Variants in GNAL observed in about 807,000 individuals in gnomAD.
The protein encoded by GNAL is guanine nucleotide-binding protein G(olf) subunit alpha.
A neutral mutation model predicts 55.1 loss-of-function variants in GNAL; 18 were observed. The observed-to-expected ratio is 0.33, with a 90% CI of 0.23 to 0.48. The LOEUF is 0.48. Among genes scored for constraint, GNAL ranks in the 20% least tolerant of loss-of-function variants. GNAL has a pLI of 0.99. For synonymous variants in GNAL, 253 were observed against 237.0 expected (o/e 1.07, Z -0.62); for missense variants, 412 against 614.1 (o/e 0.67, Z 3.48).
At chr18:11,766,750 G>C (rs1380094739) in intron 4 of GNAL, among the ~76,000 whole-genome samples, 1 of 152,194 alleles carries the variant, frequency 6.6e-6, no homozygotes, top group African/African-American at 2.4e-5. Flanking sequence ...GTACTTAATT[G>C]CAAAAATATA....
At chr18:11,690,325 C>G (rs2031203208) in intron 1 of GNAL, among the ~76,000 whole-genome samples, 1 of 152,100 alleles carries the variant, frequency 6.6e-6, no homozygotes, top group South Asian at 2.1e-4. Flanking sequence ...AGGAGGCTGG[C>G]AGTTTGTTTT....
intron 4 of GNAL, among the ~76,000 whole-genome samples, chr18:11,771,627 G>A (rs1201233120): frequency 6.6e-6 from 1 of 152,160 alleles, no homozygotes; most frequent in Non-Finnish European, 1.5e-5. Flanking sequence ...GGGGTGGCCT[G>A]GCCTTTGAAG....
At chr18:11,697,127 C>T (rs1265300810) in intron 1 of GNAL, among the ~76,000 whole-genome samples, 2 of 152,212 alleles carry the variant, frequency 1.3e-5, no homozygotes, top group Non-Finnish European at 2.9e-5. Flanking sequence ...GCAGCCAGCC[C>T]CAGGTGAACA....
At chr18:11,724,979 C>G (rs1049120225) in intron 1 of GNAL, among the ~76,000 whole-genome samples, 5 of 152,172 alleles carry the variant, frequency 3.3e-5, no homozygotes, top group African/African-American at 1.2e-4. Flanking sequence ...CCTCGAGCAC[C>G]ATGGGGTCTG....
intron 4 of GNAL, among the ~76,000 whole-genome samples, chr18:11,789,417 C>T (rs949044455): frequency 6.6e-6 from 1 of 152,164 alleles, no homozygotes; most frequent in Non-Finnish European, 1.5e-5. Flanking sequence ...GATGGATTCC[C>T]ACGTAGTTGG....
intron 4 of GNAL, among the ~76,000 whole-genome samples, chr18:11,806,823 G>T (rs2034675367): frequency 6.6e-6 from 1 of 151,490 alleles, no homozygotes. Context: ...ACACTTATAG[G>T]TGAGAACATG....
chr18:11,877,298 A>G (rs2036554056), intron 11 of GNAL, among the ~76,000 whole-genome samples: 1 of 152,134 alleles, frequency 6.6e-6, no homozygotes, highest in South Asian at 2.1e-4. Context: ...TACTAAAAAT[A>G]CAAAAAATTA....
intron 5 of GNAL, among the ~76,000 whole-genome samples, chr18:11,827,345 G>T (rs1040757420): frequency 6.6e-6 from 1 of 152,188 alleles, no homozygotes; most frequent in Non-Finnish European, 1.5e-5. Context: ...GGGCATGATG[G>T]CTCATGCCTG....
chr18:11,778,421 C>T (rs1362578775), intron 4 of GNAL, among the ~76,000 whole-genome samples: 1 of 152,142 alleles, frequency 6.6e-6, no homozygotes, highest in East Asian at 1.9e-4. Context: ...GCGAGCATCC[C>T]CTAGGTCCCT....
At chr18:11,724,315 A>G (rs2032163637) in intron 1 of GNAL, among the ~76,000 whole-genome samples, 1 of 152,122 alleles carries the variant, frequency 6.6e-6, no homozygotes, top group African/African-American at 2.4e-5. Flanking sequence ...TGTTAGTATA[A>G]TATGTATTCA....
At chr18:11,722,731 G>T (rs896527361) in intron 1 of GNAL, among the ~76,000 whole-genome samples, 1 of 152,140 alleles carries the variant, frequency 6.6e-6, no homozygotes, top group Non-Finnish European at 1.5e-5. Context: ...CAAAAATTGG[G>T]CAGGGCATGG....
At chr18:11,801,588 C>T (rs371451564) in intron 4 of GNAL, among the ~76,000 whole-genome samples, 1 of 152,104 alleles carries the variant, frequency 6.6e-6, no homozygotes, top group Non-Finnish European at 1.5e-5. Flanking sequence ...AAACATCACC[C>T]TGGCCACTGT....
chr18:11,786,295 AT>A (rs145190799), intron 4 of GNAL, among the ~76,000 whole-genome samples: 2,325 of 152,026 alleles, frequency 0.015, 58 homozygotes, highest in African/African-American at 0.053. Flanking sequence ...AACCCGGTTT[AT>A]TTTTCCTGTG....
At chr18:11,880,323 C>CT (rs1477622027) in intron 11 of GNAL, among the ~76,000 whole-genome samples, 1 of 151,002 alleles carries the variant, frequency 6.6e-6, no homozygotes, top group Admixed American at 6.6e-5. Context: ...AATCCCAGCA[C>CT]TTTGGGAGGC....
intron 5 of GNAL, among the ~76,000 whole-genome samples, chr18:11,861,221 A>G (rs953292831): frequency 6.6e-6 from 1 of 152,078 alleles, no homozygotes; most frequent in African/African-American, 2.4e-5. Context: ...CGCCAGCACC[A>G]ACAGAGAGCC....
chr18:11,790,564 T>C (rs2034200524), intron 4 of GNAL, among the ~76,000 whole-genome samples: 1 of 152,174 alleles, frequency 6.6e-6, no homozygotes, highest in African/African-American at 2.4e-5. Flanking sequence ...TTAACATGTT[T>C]GATTTTTGCC....
chr18:11,722,563 C>T (rs10163611), intron 1 of GNAL, among the ~76,000 whole-genome samples: 1,973 of 152,294 alleles, frequency 0.013, 39 homozygotes, highest in African/African-American at 0.045. Context: ...ACAAAGTAGG[C>T]ATTTACTGAT....
chr18:11,797,037 C>T (rs557302184), intron 4 of GNAL, among the ~76,000 whole-genome samples: 11 of 152,288 alleles, frequency 7.2e-5, no homozygotes, highest in Non-Finnish European at 1.5e-4. Context: ...TCATTGCAGC[C>T]TCTGCCACGC....
intron 5 of GNAL, among the ~76,000 whole-genome samples, chr18:11,855,747 C>T (rs556593945): frequency 2.5e-4 from 38 of 152,224 alleles, no homozygotes; most frequent in Admixed American, 4.6e-4. Flanking sequence ...CCGAGGCAGG[C>T]AGATCATCTG....
Sources: allele counts gnomAD v4.1 joint callset (sites outside exome capture counted in the v4.1 genomes callset), GRCh38; gene constraint gnomAD v4.1.1; transcripts MANE v1.5; gene names NCBI Gene and HGNC (gene_info 2026-07-23, HGNC 2026-07-21).